The following FHL5 variants were observed in gnomAD, a reference collection of about 807,000 sequenced individuals.
FHL5 encodes the protein four and a half LIM domains 5.
In FHL5, 33 loss-of-function variants were observed where a neutral mutation model predicts 32.0. The ratio of observed to expected loss-of-function variants is 1.03; its 90% CI spans 0.78 to 1.38. FHL5 has a LOEUF of 1.38. Among genes scored for constraint, FHL5 ranks in the 40% most tolerant of loss-of-function variants. FHL5 has a pLI of 0.00. For missense variants in FHL5, 336 were observed against 343.9 expected, an observed-to-expected ratio of 0.98 and a Z score of 0.18; for synonymous variants, 114 against 113.6, an observed-to-expected ratio of 1.00 and a Z score of -0.02.
chr6:96,577,894 C>T (rs921587723), intron 1 of FHL5, among the ~76,000 whole-genome samples: 10 of 151,076 alleles, frequency 6.6e-5, no homozygotes, highest in African/African-American at 2.4e-4. Flanking sequence ...GCCTGGAAAC[C>T]TGAATTCTGG....
chr6:96,609,518 G>A (rs1472480518), intron 4 of FHL5, among the ~76,000 whole-genome samples: 2 of 152,162 alleles, frequency 1.3e-5, no homozygotes, highest in African/African-American at 4.8e-5. Context: ...GATTAAATTG[G>A]TTTAGAAAGA....
intron 1 of FHL5, among the ~76,000 whole-genome samples, chr6:96,590,819 T>G (rs112588634): frequency 1.4e-3 from 207 of 152,234 alleles, no homozygotes; most frequent in Non-Finnish European, 2.5e-3. Context: ...ATCAAATGCC[T>G]TTTCTGCAGC....
intron 1 of FHL5, among the ~76,000 whole-genome samples, chr6:96,580,976 C>T (rs1204727046): frequency 7.2e-5 from 11 of 152,072 alleles, no homozygotes; most frequent in African/African-American, 2.2e-4. Context: ...AGAAGAGAAA[C>T]TGTTTATTGC....
At chr6:96,578,772 G>A (rs1404737538) in intron 1 of FHL5, among the ~76,000 whole-genome samples, 1 of 152,066 alleles carries the variant, frequency 6.6e-6, no homozygotes, top group Non-Finnish European at 1.5e-5. Flanking sequence ...AACCTGGGAG[G>A]CGGAAGCTGC....
At chr6:96,586,385 A>C (rs1770797714) in intron 1 of FHL5, among the ~76,000 whole-genome samples, 1 of 152,200 alleles carries the variant, frequency 6.6e-6, no homozygotes, top group Non-Finnish European at 1.5e-5. Flanking sequence ...ACTCATACTA[A>C]TTTGTTATAA....
chr6:96,570,247 A>G (rs537854935), intron 1 of FHL5, among the ~76,000 whole-genome samples: 1 of 152,154 alleles, frequency 6.6e-6, no homozygotes, highest in Non-Finnish European at 1.5e-5. Context: ...TTTGCTGGGT[A>G]TAGTATTCTT....
At chr6:96,590,573 T>C (rs1045257733) in intron 1 of FHL5, among the ~76,000 whole-genome samples, 22 of 152,092 alleles carry the variant, frequency 1.4e-4, no homozygotes, top group African/African-American at 4.8e-4. Flanking sequence ...GTTTGTTTCC[T>C]TTTAACTCTT....
chr6:96,594,259 A>G (rs926769832), intron 1 of FHL5, among the ~76,000 whole-genome samples: 3 of 86,412 alleles, frequency 3.5e-5, no homozygotes, highest in African/African-American at 3.5e-5. Flanking sequence ...ATATATATAT[A>G]TATATATATA....
At chr6:96,570,316 G>A (rs964626325) in intron 1 of FHL5, among the ~76,000 whole-genome samples, 8 of 151,848 alleles carry the variant, frequency 5.3e-5, no homozygotes, top group Middle Eastern at 6.8e-3. Context: ...TTCTCTCCTC[G>A]CCTGTGAGGT....
chr6:96,598,327 T>C (rs1039055685), intron 1 of FHL5, among the ~76,000 whole-genome samples: 1 of 152,198 alleles, frequency 6.6e-6, no homozygotes, highest in Admixed American at 6.5e-5. Context: ...GATTTTCACA[T>C]GTGTTTGTAG....
intron 1 of FHL5, among the ~76,000 whole-genome samples, chr6:96,599,191 C>CTTTTTTT (rs67400814): frequency 9.0e-6 from 1 of 111,538 alleles, no homozygotes; most frequent in African/African-American, 3.7e-5. Context: ...GAACTTACAT[C>CTTTTTTT]TTTTTTTTTT....
intron 1 of FHL5, among the ~76,000 whole-genome samples, chr6:96,570,920 G>GTATC (rs1770463045): frequency 6.6e-6 from 1 of 151,622 alleles, no homozygotes; most frequent in African/African-American, 2.4e-5. Context: ...ATTTAATTGT[G>GTATC]TATCTGTGTT....
At chr6:96,566,377 C>G (rs572521595) in intron 1 of FHL5, among the ~76,000 whole-genome samples, 1 of 151,988 alleles carries the variant, frequency 6.6e-6, no homozygotes, top group African/African-American at 2.4e-5. Context: ...ATATATAGCA[C>G]TTTTTTTAAT....
chr6:96,596,130 A>G (rs1027472180), intron 1 of FHL5, among the ~76,000 whole-genome samples: 1 of 152,050 alleles, frequency 6.6e-6, no homozygotes, highest in African/African-American at 2.4e-5. Flanking sequence ...CCTTACAGTT[A>G]GTATAAGTTC....
Position 96,616,557 on chromosome 6 carries a change from C to T in FHL5, c.*785C>T, listed in dbSNP as rs1170829310. 3 of 152,172 alleles carry T rather than the reference C, an allele frequency of 2.0e-5. No homozygotes were observed. The highest frequency in any genetic ancestry group is 4.4e-5 in the Non-Finnish European group (3 of 68,042). The allele number at this position is 152,172 out of a possible 1,614,324, so 9.4% of individuals were successfully genotyped here. On this transcript the variant is annotated 3_prime_UTR_variant, in exon 6 of 6. Transcript: ENST00000450218. ...CTTACAGATTCCATGAAATAAAAGT[C>T]TATTCTTTCAAGTGGAGCTAACCAG...
intron 3 of FHL5, among the ~76,000 whole-genome samples, chr6:96,605,575 A>T (rs949798885): frequency 2.0e-5 from 3 of 152,182 alleles, no homozygotes; most frequent in African/African-American, 7.2e-5. Flanking sequence ...TGTAATGATT[A>T]TTATGGCCCA....
chr6:96,593,075 T>C (rs1253952855), intron 1 of FHL5, among the ~76,000 whole-genome samples: 11 of 152,130 alleles, frequency 7.2e-5, no homozygotes, highest in African/African-American at 2.2e-4. Flanking sequence ...CTTAATTTTA[T>C]TTTCTATTTT....
At chr6:96,582,304 C>T (rs1770710790) in intron 1 of FHL5, among the ~76,000 whole-genome samples, 1 of 151,884 alleles carries the variant, frequency 6.6e-6, no homozygotes, top group African/African-American at 2.4e-5. Flanking sequence ...ATTTTATCTT[C>T]AAAGGCAATA....
chr6:96,565,482 T>A (rs1582453344), intron 1 of FHL5, among the ~76,000 whole-genome samples: 1 of 152,304 alleles, frequency 6.6e-6, no homozygotes, highest in East Asian at 1.9e-4. Context: ...CTTCTCAAAT[T>A]CTTCGGTTAT....
Sources: allele counts gnomAD v4.1 joint callset (sites outside exome capture counted in the v4.1 genomes callset), GRCh38; gene constraint gnomAD v4.1.1; transcripts MANE v1.5; gene names NCBI Gene and HGNC (gene_info 2026-07-23, HGNC 2026-07-21).